Variants in TECPR1 observed in about 807,000 individuals in gnomAD.
The protein encoded by TECPR1 is tectonin beta-propeller repeat-containing protein 1.
TECPR1 carries 122 observed loss-of-function variants against 162.4 expected under a neutral mutation model. The observed-to-expected ratio is 0.75, with a 90% CI of 0.65 to 0.87. The LOEUF (loss-of-function observed/expected upper bound fraction) is 0.87, where lower values mean the gene tolerates loss of function less well. TECPR1 is among the 40% of genes least tolerant of loss of function. The pLI, the probability that TECPR1 is intolerant of heterozygous loss-of-function variation, is 0.00. For missense variants in TECPR1, 1,432 were observed against 1,618.2 expected, an observed-to-expected ratio of 0.88 and a Z score of 1.97; for synonymous variants, 642 against 670.6, an observed-to-expected ratio of 0.96 and a Z score of 0.66.
chr7:98,238,402 T>TG lies in TECPR1; in HGVS notation c.1035+106dup, dbSNP rs918788927. 59 of 887,646 alleles carry TG rather than the reference T, an allele frequency of 6.6e-5. 1 individual carries two copies. Among genetic ancestry groups the TG allele is most frequent in the Middle Eastern group, 6.6e-4 (2 of 3,048 alleles). The allele number at this position is 887,646 out of a possible 1,614,324, so 55.0% of individuals were successfully genotyped here. On this transcript the variant is annotated intron_variant, in intron 9 of 25. Coordinates refer to ENST00000447648, the MANE Select transcript of TECPR1 (RefSeq NM_015395.3). ...GAACTTCTTGCTCAGTACAATGGAG[T>TG]GGGGGGCTCTCCTACAGTGGGAAGC... is the stretch of plus-strand genomic sequence containing the variant.
chr7:98,229,288 G>A (rs576630323), intron 15 of TECPR1, 122 bp from the exon 16 acceptor site: 230 of 1,310,400 alleles, frequency 1.8e-4, no homozygotes, highest in Non-Finnish European at 2.3e-4. Flanking sequence ...CGGTCTCCAA[G>A]CACAGACCAT....
At chr7:98,221,464 G>A (rs1189511473) in intron 23 of TECPR1, among the ~76,000 whole-genome samples, 197 bp downstream of exon 23, 1 of 142,994 alleles carries the variant, frequency 7.0e-6, no homozygotes, top group Non-Finnish European at 1.5e-5. Context: ...CACCCACTCT[G>A]TACCCATAAA....
Position 98,231,086 on chromosome 7 carries a change from G to T in TECPR1, c.2157C>A (p.Ser719Arg). 1 of 1,604,616 alleles carries T rather than the reference G, an allele frequency of 6.2e-7. No homozygotes were observed. Residue 719 changes from serine (S) to arginine (R), a missense_variant, in exon 15 of 26, where the codon AGC becomes AGA. Physicochemically the swap from Ser to Arg is moderately radical, Grantham distance 110 (BLOSUM62 -1). Transcript: ENST00000447648. ...LALLSLSCCESRKVQGRPSPQ... is the reference protein window; with the variant it reads ...LALLSLSCCERRKVQGRPSPQ... The stretch of plus-strand genomic sequence containing the variant: ...GGGACGGGCGGCCCTGCACCTTCCG[G>T]CTCTCGCAGCAAGACAGGCTGAGCA...
Position 98,224,853 on chromosome 7 carries a change from C to T in TECPR1, c.2638G>A (p.Val880Ile), listed in dbSNP as rs768563512. 2.2e-5 allele frequency: 35 copies of T among 1,573,092 alleles called. No individual in the cohort carries two copies. The South Asian group carries it at 3.4e-4, about 15-fold the overall frequency. ...WVSDWFVDFS[V>I]PGGTDQEGWQ... is the part of the protein sequence containing the mutation. ...CCCTCCTGGTCCGTGCCCCCCGGAA[C>T]GCTGAAATCCACGAACCAGTCGGAA... Residue 880 changes from valine (V) to isoleucine (I), a missense_variant, in exon 19 of 26, where the codon GTT becomes ATT. Coordinates refer to ENST00000447648, the MANE Select transcript of TECPR1 (RefSeq NM_015395.3).
rs765569294 is a variant in TECPR1 at position 98,235,827 on chromosome 7, CAAAAAAA to C, written c.1181+942_1181+948del. Among the ~76,000 whole-genome samples the C allele has an allele frequency of 9.5e-4, 35 of 36,664 alleles. 4 individuals carry two copies. Among genetic ancestry groups the C allele is most frequent in the African/African-American group, 1.6e-3 (23 of 14,612 alleles). The allele number at this position is 36,664 out of a possible 152,430, so 24.1% of individuals were successfully genotyped here. A position where few individuals can be genotyped will look rare whatever the true frequency, so the allele number is the denominator to read the frequency against. On this transcript the variant is annotated intron_variant, in intron 10 of 25. Transcript: ENST00000447648. ...CCTGGATGACAGAGTGAGACTGTCT[CAAAAAAA>C]AAAAAAAAAAAAAAAAACACCATCT...
At chr7:98,221,848 G>A (rs1798150715) in intron 22 of TECPR1, 95 bp from the exon 23 acceptor site, 2 of 894,808 alleles carry the variant, frequency 2.2e-6, no homozygotes, top group Non-Finnish European at 3.5e-6. Flanking sequence ...CCTCTCGGAT[G>A]TGTAGCCTGG....
At chr7:98,228,421 G>C in intron 16 of TECPR1, 6 of 364,424 alleles carry the variant, frequency 1.6e-5, no homozygotes, top group Admixed American at 7.4e-5. Flanking sequence ...TTAGCACCAG[G>C]GAGGCATGAG....
At chr7:98,229,431 C>A (rs1422361150) in intron 15 of TECPR1, among the ~76,000 whole-genome samples, 1 of 152,186 alleles carries the variant, frequency 6.6e-6, no homozygotes, top group Non-Finnish European at 1.5e-5. Context: ...TGGAACCCAC[C>A]CACTTCAGCC....
intron 5 of TECPR1, among the ~76,000 whole-genome samples, chr7:98,244,257 G>A (rs1483824754): frequency 1.3e-5 from 2 of 152,228 alleles, no homozygotes; most frequent in Non-Finnish European, 2.9e-5. Flanking sequence ...AGAGCCAGAG[G>A]TGCCTCCCTT....
Position 98,215,774 on chromosome 7 carries a change from G to A in TECPR1, c.*1616C>T, listed in dbSNP as rs955572597. ...CAGACAGGACAGGGTGGTTCCAGGTGGCCACCACCGCCAGGCCCTTCCCGT... is the reference window on the plus strand; with the variant it reads ...CAGACAGGACAGGGTGGTTCCAGGTAGCCACCACCGCCAGGCCCTTCCCGT... On this transcript the variant is annotated 3_prime_UTR_variant, in exon 26 of 26. Coordinates refer to ENST00000447648, the MANE Select transcript of TECPR1 (RefSeq NM_015395.3). 2 of 152,244 alleles carry A rather than the reference G, an allele frequency of 1.3e-5. No individual in the cohort carries two copies. Among genetic ancestry groups the A allele is most frequent in the East Asian group, 1.9e-4 (1 of 5,200 alleles). 9.4% of individuals were successfully genotyped at this position (152,244 alleles called of 1,614,324 possible). A position where few individuals can be genotyped will look rare whatever the true frequency, so the allele number is the denominator to read the frequency against.
chr7:98,223,121 C>A lies in TECPR1; in HGVS notation c.2797G>T (p.Ala933Ser). The A allele has an allele frequency of 6.2e-7, 1 of 1,604,430 alleles. No individual in the cohort carries two copies. The highest frequency in any genetic ancestry group is 8.5e-7 in the Non-Finnish European group (1 of 1,176,126). The change falls in exon 21 of 26, where the codon GCC (alanine) becomes TCC (serine). Residue 933 changes from alanine to serine, a missense_variant. By Grantham distance (99) the Ala-to-Ser change is moderately conservative. Coordinates refer to ENST00000447648, the MANE Select transcript of TECPR1 (RefSeq NM_015395.3). ...SGPWLEVPPI[A>S]LRDVSIIPES... ...GGGATGATGGACACGTCCCTGAGGG[C>A]GATGGGGGGCACCTCCAGCCAGGGC...
chr7:98,222,554 C>T lies in TECPR1; in HGVS notation c.2929-33G>A, dbSNP rs992924986. 4 of 1,549,022 alleles carry T rather than the reference C, an allele frequency of 2.6e-6. No homozygotes were observed. In the African/African-American group the frequency reaches 5.5e-5, roughly 21 times the overall value. ...TAGCAAGGAGGGGCGCTGAGGTCAC[C>T]AGGGCCCCCACCCCCAGGGCCCCAC... On this transcript the variant is annotated intron_variant, in intron 21 of 25. Coordinates refer to ENST00000447648, the MANE Select transcript of TECPR1 (RefSeq NM_015395.3).
chr7:98,240,025 C>T (rs571904476), intron 8 of TECPR1, among the ~76,000 whole-genome samples: 42 of 152,088 alleles, frequency 2.8e-4, no homozygotes, highest in African/African-American at 9.9e-4. Context: ...AGGAGAATGG[C>T]GTGAACCCGG....
chr7:98,232,370 C>T lies in TECPR1; in HGVS notation c.1819-411G>A, dbSNP rs1798467338. 6.6e-6 allele frequency among the ~76,000 whole-genome samples: 1 copy of T among 152,086 alleles called. No individual in the cohort carries two copies. The highest frequency in any genetic ancestry group is 2.4e-5 in the African/African-American group (1 of 41,398). Reference sequence around the variant, plus strand: ...CACATGCTCTGTGTGACTTCCCTGTCACCCCCACACTTGACCTCTGAGGGC... The same window carrying T: ...CACATGCTCTGTGTGACTTCCCTGTTACCCCCACACTTGACCTCTGAGGGC... On this transcript the variant is annotated intron_variant, in intron 12 of 25. Transcript: ENST00000447648. The surrounding 1 kb of genome is among the most constrained non-coding windows in gnomAD (Gnocchi z 4.6).
chr7:98,227,338 G>A (rs952587000), intron 17 of TECPR1, among the ~76,000 whole-genome samples: 13 of 150,524 alleles, frequency 8.6e-5, no homozygotes, highest in Non-Finnish European at 8.8e-5. Context: ...GTTGCAGTGA[G>A]CCAAGATCGC....
At position 98,240,738 on chromosome 7, in the gene TECPR1, T is replaced by A. The variant is rs907453634; in HGVS notation, c.933+113A>T. ...CCTGGGTTTTTCTTTTTTTTTAATT[T>A]GAGACAGGGTCTCGCTCTGTCACCC... On this transcript the variant is annotated intron_variant, in intron 8 of 25. Coordinates refer to ENST00000447648, the MANE Select transcript of TECPR1 (RefSeq NM_015395.3). 17 of 907,650 alleles carry A rather than the reference T, an allele frequency of 1.9e-5. No homozygotes were observed. In the African/African-American group the frequency reaches 2.7e-4, roughly 14 times the overall value. The allele number at this position is 907,650 out of a possible 1,614,324, so 56.2% of individuals were successfully genotyped here.
intron 17 of TECPR1, among the ~76,000 whole-genome samples, chr7:98,225,645 T>C (rs1292079223): frequency 6.6e-6 from 1 of 152,072 alleles, no homozygotes; most frequent in Admixed American, 6.6e-5. Context: ...TCTTGCTCAC[T>C]CGTTCTCTTT....
rs371911597 is a variant in TECPR1 at position 98,241,204 on chromosome 7, C to G, written c.698G>C (p.Gly233Ala). 1.3e-4 allele frequency: 210 copies of G among 1,612,724 alleles called. No individual in the cohort carries two copies. Among genetic ancestry groups the G allele is most frequent in the Non-Finnish European group, 1.7e-4 (198 of 1,179,836 alleles). Reference sequence around the variant, plus strand: ...GGTGTCCAGCAGGGACCAGGAGGACCCTTCGGGGTTGGAGTGGCTGACGTC... The same window carrying G: ...GGTGTCCAGCAGGGACCAGGAGGACGCTTCGGGGTTGGAGTGGCTGACGTC... ...REDVSHSNPEGSSWSLLDTPG... is the reference protein window; with the variant it reads ...REDVSHSNPEASSWSLLDTPG... Residue 233 changes from glycine (G) to alanine (A), a missense_variant, in exon 7 of 26, where the codon GGG becomes GCG. Coordinates refer to ENST00000447648, the MANE Select transcript of TECPR1 (RefSeq NM_015395.3). The surrounding 1 kb of genome is among the most constrained non-coding windows in gnomAD (Gnocchi z 5.0).
At chr7:98,222,923 T>C (rs1204302468) in intron 21 of TECPR1, 67 bp downstream of exon 21, 2 of 1,574,724 alleles carry the variant, frequency 1.3e-6, no homozygotes, top group Admixed American at 3.6e-5. Context: ...GAGCAGGGTC[T>C]GAGCCCTGCC....
Sources: allele counts gnomAD v4.1 joint callset (sites outside exome capture counted in the v4.1 genomes callset), GRCh38; gene constraint gnomAD v4.1.1; non-coding constraint Gnocchi (gnomAD v3.1); transcripts MANE v1.5; gene names NCBI Gene and HGNC (gene_info 2026-07-23, HGNC 2026-07-21).